SP140: variants seen among roughly 807,000 people sequenced by gnomAD.
SP140 encodes SP140 nuclear body protein, also known as nuclear body protein SP140.
Under a neutral mutation model 125.0 loss-of-function variants are expected in SP140, and 81 were observed. That is an observed-to-expected ratio of 0.65 (90% CI 0.54 to 0.78). The LOEUF (loss-of-function observed/expected upper bound fraction) is 0.78, where lower values mean the gene tolerates loss of function less well. Among genes scored for constraint, SP140 ranks in the 30% least tolerant of loss-of-function variants. The pLI is 0.00. For synonymous variants in SP140, 312 were observed against 354.0 expected, an observed-to-expected ratio of 0.88 and a Z score of 1.33; for missense variants, 858 against 1,037.0, an observed-to-expected ratio of 0.83 and a Z score of 2.37.
At chr2:230,258,602 T>C (rs1013208395) in intron 12 of SP140, among the ~76,000 whole-genome samples, 5 of 152,198 alleles carry the variant, frequency 3.3e-5, no homozygotes, top group Admixed American at 1.3e-4. Flanking sequence ...GCATTCTGGT[T>C]TTAGTAGTGG....
intron 16 of SP140, among the ~76,000 whole-genome samples, chr2:230,285,288 T>C (rs564252019): frequency 6.6e-6 from 1 of 152,332 alleles, no homozygotes; most frequent in East Asian, 1.9e-4. Flanking sequence ...TTCTAAATGA[T>C]TGTCAATTTT....
At chr2:230,315,366 C>T (rs2149654962), downstream of SP140, among the ~76,000 whole-genome samples, 1 of 152,224 alleles carries the variant, frequency 6.6e-6, no homozygotes, top group Non-Finnish European at 1.5e-5. Context: ...ATACACAGAT[C>T]TTTCAAGGGA....
chr2:230,203,394 A>G (rs976589426), intron 1 of SP140: 1 of 156,284 alleles, frequency 6.4e-6, no homozygotes. Flanking sequence ...TCTGCAGGTT[A>G]GAAAGGACAC....
chr2:230,269,592 C>A lies in SP140; in HGVS notation c.1301C>A (p.Ser434Tyr). 6.3e-7 allele frequency: 1 copy of A among 1,593,776 alleles called. No individual in the cohort carries two copies. The highest frequency in any genetic ancestry group is 1.1e-5 in the South Asian group (1 of 88,986). ...GAAGGAGAATCAGAAGAGCTTGCTT[C>A]TAGCCTGCTATATGATAATGTACCA... ...NEEGESEELASSLLYDNVPGA... is the reference protein window; with the variant it reads ...NEEGESEELAYSLLYDNVPGA... Residue 434 changes from serine to tyrosine, a missense_variant, in exon 13 of 27, where the codon TCT (serine) becomes TAT (tyrosine). By Grantham distance (144) the Ser-to-Tyr change is moderately radical (BLOSUM62 -2). Coordinates refer to ENST00000392045, the MANE Select transcript of SP140 (RefSeq NM_007237.5).
intron 3 of SP140, chr2:230,216,762 A>C: frequency 6.2e-7 from 1 of 1,613,452 alleles, no homozygotes; most frequent in Non-Finnish European, 8.5e-7. Flanking sequence ...CTGCCATGGA[A>C]GGGTTCAACA....
At chr2:230,291,293 A>G (rs2057082614) in intron 19 of SP140, among the ~76,000 whole-genome samples, 1 of 152,244 alleles carries the variant, frequency 6.6e-6, no homozygotes, top group Admixed American at 6.5e-5. Flanking sequence ...TATAGTTCAC[A>G]TATCATACAA....
At chr2:230,255,600 T>G in intron 12 of SP140, 68 bp downstream of exon 12, 1 of 1,432,572 alleles carries the variant, frequency 7.0e-7, no homozygotes, top group South Asian at 1.1e-5. Flanking sequence ...TTGGAGCTCG[T>G]GTTTCCTGAT....
the SP140 span, among the ~76,000 whole-genome samples, chr2:230,195,798 A>G: frequency 2.0e-5 from 3 of 152,210 alleles, no homozygotes; most frequent in East Asian, 3.8e-4. Context: ...CAGGACTGAA[A>G]AAAACTGTTC....
At chr2:230,219,506 G>A (rs1346144423) in intron 3 of SP140, 1 of 152,094 alleles carries the variant, frequency 6.6e-6, no homozygotes, top group Non-Finnish European at 1.5e-5. Context: ...CACTAGAGAC[G>A]AAATTAAATG....
At chr2:230,207,843 T>A (rs2044038781) in intron 1 of SP140, 1 of 644,550 alleles carries the variant, frequency 1.6e-6, no homozygotes, top group African/African-American at 1.8e-5. Flanking sequence ...GTAGCAAAAT[T>A]GAGCTTACAT....
intron 19 of SP140, 102 bp downstream of exon 19, chr2:230,290,666 C>A: frequency 1.9e-6 from 2 of 1,055,072 alleles, no homozygotes; most frequent in Non-Finnish European, 2.8e-6. Context: ...GAGTTTGGTC[C>A]CAGTTTGGCT....
chr2:230,196,410 T>C, the SP140 span, among the ~76,000 whole-genome samples: 1 of 151,982 alleles, frequency 6.6e-6, no homozygotes, highest in East Asian at 1.9e-4. Context: ...ATGAAAAAAG[T>C]GATTTATAGA....
chr2:230,190,287 C>T, the SP140 span, among the ~76,000 whole-genome samples: 1 of 152,214 alleles, frequency 6.6e-6, no homozygotes, highest in South Asian at 2.1e-4. Flanking sequence ...TTTTGATTTG[C>T]AATTCTCTGA....
intron 4 of SP140, 130 bp from the exon 5 acceptor site, chr2:230,243,601 C>T: frequency 1.5e-6 from 1 of 674,324 alleles, no homozygotes; most frequent in South Asian, 1.7e-5. Flanking sequence ...ATCCTCAGGT[C>T]AGGTTGTTTG....
At chr2:230,214,949 C>T in intron 3 of SP140, 1 of 1,613,526 alleles carries the variant, frequency 6.2e-7, no homozygotes, top group Non-Finnish European at 8.5e-7. Context: ...AATCTCATTA[C>T]CACGTTTGAA....
In SP140 at chr2:230,213,102, A is replaced by C. The variant is rs1000713248; in HGVS notation, c.-322-552A>C. ...CTTGGGGAAGGGGATTTCTTAATAC[A>C]TGCCTTCCAATAGGATGGGGGCATG... On this transcript the variant is annotated intron_variant, in intron 1 of 4. Coordinates refer to the SP140 transcript ENST00000456542. 13 of 1,414,872 alleles carry C rather than the reference A, an allele frequency of 9.2e-6. No individual in the cohort carries two copies. The African/African-American group carries it at 1.8e-4, about 20-fold the overall frequency. The allele number at this position is 1,414,872 out of a possible 1,614,324, so 87.6% of individuals were successfully genotyped here.
chr2:230,265,316 G>A (rs372157979), intron 12 of SP140, among the ~76,000 whole-genome samples: 51 of 152,144 alleles, frequency 3.4e-4, no homozygotes, highest in African/African-American at 9.9e-4. Flanking sequence ...CTCCCACCAT[G>A]CCCCGCCCCA....
intron 15 of SP140, among the ~76,000 whole-genome samples, chr2:230,281,239 A>C (rs922150197): frequency 3.3e-5 from 5 of 152,202 alleles, no homozygotes; most frequent in Non-Finnish European, 7.3e-5. Context: ...CACAATTAAC[A>C]TTGTATCATT....
intron 3 of SP140, chr2:230,215,232 C>G (rs538684827): frequency 5.8e-6 from 5 of 854,824 alleles, no homozygotes; most frequent in Non-Finnish European, 9.4e-6. Flanking sequence ...AGAAGAAATT[C>G]AACATAAAAT....
Sources: gnomAD v4.1 joint callset for allele counts (sites outside exome capture counted in the v4.1 genomes callset) on GRCh38, gnomAD v4.1.1 for gene constraint, MANE v1.5 for transcripts, NCBI Gene and HGNC (gene_info 2026-07-23, HGNC 2026-07-21) for gene names.